Variants in UTRN observed in about 807,000 individuals in gnomAD.
UTRN encodes the protein utrophin.
Under a neutral mutation model 463.9 loss-of-function variants are expected in UTRN, and 283 were observed. The observed-to-expected ratio is 0.61, with a 90% CI of 0.55 to 0.67. The LOEUF is 0.67. Among genes scored for constraint, UTRN ranks in the 30% least tolerant of loss-of-function variants. The pLI, the probability that UTRN is intolerant of heterozygous loss-of-function variation, is 0.00. For synonymous variants in UTRN, 1,442 were observed against 1,431.5 expected (o/e 1.01, Z -0.17); for missense variants, 3,922 against 4,084.3 (o/e 0.96, Z 1.08).
intron 2 of UTRN, among the ~76,000 whole-genome samples, chr6:144,360,371 C>T (rs1247023424): frequency 6.6e-6 from 1 of 152,030 alleles, no homozygotes; most frequent in Admixed American, 6.6e-5. Flanking sequence ...CGGGGTTTCA[C>T]CATGTTGGCC....
rs540065863 is a variant in UTRN, at chr6:144,356,979, A to AT, written c.80-46137dup. On this transcript the variant is annotated intron_variant, in intron 2 of 74. Coordinates refer to ENST00000367545, the MANE Select transcript of UTRN (RefSeq NM_007124.3). ...CCACATGCATAAAAAATAAAGTTAC[A>AT]TTTTTTTGTAAGATTTACTCAGAAT... is the stretch of plus-strand genomic sequence containing the variant. Among the ~76,000 whole-genome samples, 36 of 152,184 alleles carry AT rather than the reference A, an allele frequency of 2.4e-4. 1 individual carries two copies. In the East Asian group the frequency reaches 2.5e-3, roughly 11 times the overall value.
At chr6:144,416,230 T>TGTGTCTACACCTGGTGTG (rs1784354235) in intron 3 of UTRN, among the ~76,000 whole-genome samples, 1 of 152,172 alleles carries the variant, frequency 6.6e-6, no homozygotes, top group Non-Finnish European at 1.5e-5. Context: ...GTAGACAAGA[T>TGTGTCTACACCTGGTGTG]CTATTTGTTT....
intron 45 of UTRN, among the ~76,000 whole-genome samples, chr6:144,540,944 G>A (rs1013594701): frequency 1.3e-5 from 2 of 152,080 alleles, no homozygotes; most frequent in African/African-American, 2.4e-5. Context: ...ACTTTTCTTA[G>A]GTCAAAAAAT....
chr6:144,784,224 T>C (rs1430944838), intron 61 of UTRN, among the ~76,000 whole-genome samples: 1 of 152,230 alleles, frequency 6.6e-6, no homozygotes, highest in Non-Finnish European at 1.5e-5. Context: ...CCTTATATTG[T>C]CCATGGCTCT....
At chr6:144,291,451 C>A (rs772923619) in intron 1 of UTRN, among the ~76,000 whole-genome samples, 1 of 152,198 alleles carries the variant, frequency 6.6e-6, no homozygotes, top group African/African-American at 2.4e-5. Flanking sequence ...GGTCAGACTC[C>A]TCTGCTGTGT....
At chr6:144,463,104 A>G (rs1456779297) in intron 23 of UTRN, among the ~76,000 whole-genome samples, 2 of 152,192 alleles carry the variant, frequency 1.3e-5, no homozygotes, top group African/African-American at 4.8e-5. Flanking sequence ...GATAAGAGAA[A>G]ATTGCTTAAA....
In UTRN at chr6:144,715,001, C is replaced by T. The variant is rs571771157; in HGVS notation, c.7809+14758C>T. 1.2e-4 allele frequency among the ~76,000 whole-genome samples: 19 copies of T among 152,280 alleles called. No homozygotes were observed. In the South Asian group the frequency reaches 3.9e-3, roughly 32 times the overall value. ...CCTGTCTTCTAAAATTGGGATGTGT[C>T]ACTTGTCAGGCCATGTCACCTTCTC... On this transcript the variant is annotated intron_variant, in intron 53 of 74. Coordinates refer to ENST00000367545, the MANE Select transcript of UTRN (RefSeq NM_007124.3).
intron 6 of UTRN, among the ~76,000 whole-genome samples, chr6:144,425,763 C>T (rs1785241731): frequency 6.6e-6 from 1 of 151,818 alleles, no homozygotes; most frequent in Non-Finnish European, 1.5e-5. Context: ...CTCCTGTGTC[C>T]CTTAGATAGA....
chr6:144,829,285 CT>C (rs1226019284), intron 69 of UTRN, among the ~76,000 whole-genome samples: 12 of 152,086 alleles, frequency 7.9e-5, no homozygotes, highest in Non-Finnish European at 1.2e-4. Flanking sequence ...CCCACACATA[CT>C]TAGATATATA....
At chr6:144,745,967 CAATAT>C (rs1428251802) in intron 54 of UTRN, among the ~76,000 whole-genome samples, 1 of 150,808 alleles carries the variant, frequency 6.6e-6, no homozygotes, top group African/African-American at 2.4e-5. Context: ...AAAATATATA[CAATAT>C]AAGTATTATA....
chr6:144,802,168 T>A (rs574151481), intron 64 of UTRN, among the ~76,000 whole-genome samples: 5 of 152,320 alleles, frequency 3.3e-5, no homozygotes, highest in African/African-American at 1.2e-4. Context: ...TGTCAAGCCA[T>A]GCTGATAAGC....
In UTRN at chr6:144,290,104, AC is replaced by A. The variant is rs202039931; in HGVS notation, c.-92-1631del. Among the ~76,000 whole-genome samples the A allele has an allele frequency of 4.3e-4, 65 of 152,340 alleles. No homozygotes were observed. In the East Asian group the frequency reaches 0.011, roughly 26 times the overall value. On this transcript the variant is annotated intron_variant, in intron 1 of 74. Coordinates refer to ENST00000367545, the MANE Select transcript of UTRN (RefSeq NM_007124.3). ...TTCTGTTTGAACTTAAGTTGAAGAT[AC>A]CATCACACTTCATTGCTAAATATTT...
chr6:144,415,119 C>G (rs1435918981), intron 3 of UTRN, among the ~76,000 whole-genome samples: 1 of 152,186 alleles, frequency 6.6e-6, no homozygotes, highest in African/African-American at 2.4e-5. Context: ...GTAGCATGCT[C>G]TATAGGTTTG....
intron 74 of UTRN, 31 bp downstream of exon 74, chr6:144,846,858 T>G (rs200357835): frequency 6.2e-7 from 1 of 1,613,838 alleles, no homozygotes; most frequent in Admixed American, 1.7e-5. Flanking sequence ...TGGCTCTATG[T>G]TACTGATCCC....
At chr6:144,521,848 T>G (rs913276492) in intron 39 of UTRN, 132 bp from the exon 40 acceptor site, 1 of 461,132 alleles carries the variant, frequency 2.2e-6, no homozygotes, top group Non-Finnish European at 3.2e-6. Context: ...TATAAAATAT[T>G]AAAACTAAGT....
chr6:144,663,768 G>T (rs1418496095), intron 51 of UTRN, among the ~76,000 whole-genome samples: 1 of 152,112 alleles, frequency 6.6e-6, no homozygotes, highest in Non-Finnish European at 1.5e-5. Flanking sequence ...ACTCAATGCT[G>T]AATTACTTTA....
Position 144,768,953 on chromosome 6 carries a change from G to GT in UTRN, c.8496-2950dup, listed in dbSNP as rs1224806677. ...TAATTGCTACTTTGTTTTTTGTTTT[G>GT]TTTTGTTTTTTTTTTTTTAATTTTA... is the stretch of plus-strand genomic sequence containing the variant. On this transcript the variant is annotated intron_variant, in intron 58 of 74. Coordinates refer to ENST00000367545, the MANE Select transcript of UTRN (RefSeq NM_007124.3). 6.0e-4 allele frequency among the ~76,000 whole-genome samples: 63 copies of GT among 105,090 alleles called. 2 individuals are homozygous for GT. Among genetic ancestry groups the GT allele is most frequent in the African/African-American group, 2.4e-3 (57 of 23,370 alleles). The allele number at this position is 105,090 out of a possible 152,430, so 68.9% of individuals were successfully genotyped here.
intron 37 of UTRN, 72 bp from the exon 38 acceptor site, chr6:144,516,157 C>G (rs1361196046): frequency 1.4e-6 from 2 of 1,461,204 alleles, no homozygotes; most frequent in Non-Finnish European, 1.9e-6. Flanking sequence ...TCTCTTGACA[C>G]CCCATCTCTC....
At chr6:144,490,230 T>C (rs771440822) in intron 31 of UTRN, 31 bp downstream of exon 31, 2 of 1,571,692 alleles carry the variant, frequency 1.3e-6, no homozygotes, top group Admixed American at 4.3e-5. Context: ...CCTTTTACTT[T>C]TCAACTTGTT....
Sources: gnomAD v4.1 joint callset for allele counts (sites outside exome capture counted in the v4.1 genomes callset) on GRCh38, gnomAD v4.1.1 for gene constraint, MANE v1.5 for transcripts, NCBI Gene and HGNC (gene_info 2026-07-23, HGNC 2026-07-21) for gene names.